Variants in CA9 observed in about 807,000 individuals in gnomAD.
The protein encoded by CA9 is carbonic anhydrase 9.
In CA9, 43 loss-of-function variants were observed where a neutral mutation model predicts 51.8. The ratio of observed to expected loss-of-function variants is 0.83; its 90% CI spans 0.65 to 1.07. The LOEUF is 1.07. Ranked by LOEUF, CA9 falls within the 50% of genes least tolerant of loss-of-function variation. CA9 has a pLI of 0.00. For missense variants in CA9, 574 were observed against 581.4 expected, an observed-to-expected ratio of 0.99 and a Z score of 0.13; for synonymous variants, 253 against 244.2, an observed-to-expected ratio of 1.04 and a Z score of -0.34.
intron 5 of CA9, among the ~76,000 whole-genome samples, chr9:35,677,143 G>A (rs1040954378): frequency 4.6e-5 from 7 of 152,056 alleles, no homozygotes; most frequent in East Asian, 1.9e-4. Context: ...GTGAGCCACC[G>A]TGCCCAGCCA....
At chr9:35,677,006 C>G (rs1246836231) in intron 5 of CA9, among the ~76,000 whole-genome samples, 1 of 152,136 alleles carries the variant, frequency 6.6e-6, no homozygotes, top group African/African-American at 2.4e-5. Context: ...GTGTGTGCCA[C>G]CATGCCCAGC....
rs372272835 is a variant in CA9 at position 35,676,297 on chromosome 9, A to G, written c.748A>G (p.Ile250Val). The change falls in exon 5 of 11, where the codon ATC becomes GTC. Residue 250 changes from isoleucine (I) to valine (V), a missense_variant and splice_region_variant. By Grantham distance (29) the Ile-to-Val change is conservative (BLOSUM62 3). Transcript: ENST00000378357. ...TVEGHRFPAE[I>V]HVVHLSTAFA... is the part of the protein sequence containing the mutation. The stretch of plus-strand genomic sequence containing the variant: ...TCTCCTACCCTCGTGTCCTTTTCAG[A>G]TCCACGTGGTTCACCTCAGCACCGC... 6.2e-7 allele frequency: 1 copy of G among 1,614,004 alleles called. No individual in the cohort carries two copies. Among genetic ancestry groups the G allele is most frequent in the Non-Finnish European group, 8.5e-7 (1 of 1,180,034 alleles).
chr9:35,681,114 CT>C lies in CA9; in HGVS notation c.*93del, dbSNP rs903311513. The C allele has an allele frequency of 9.6e-5, 89 of 930,178 alleles. No individual in the cohort carries two copies. The African/African-American group carries it at 1.2e-3, about 13-fold the overall frequency. The allele number at this position is 930,178 out of a possible 1,614,324, so 57.6% of individuals were successfully genotyped here. ...CCTGTCCTGCTCATTATGCCACTTC[CT>C]TTTAACTGCCAAGAAATTTTTTAAA... On this transcript the variant is annotated 3_prime_UTR_variant, in exon 11 of 11. Coordinates refer to ENST00000378357, the MANE Select transcript of CA9 (RefSeq NM_001216.3).
At chr9:35,678,565 C>T (rs1824469027) in intron 6 of CA9, among the ~76,000 whole-genome samples, 1 of 152,074 alleles carries the variant, frequency 6.6e-6, no homozygotes, top group Non-Finnish European at 1.5e-5. Flanking sequence ...TTAAATCTCA[C>T]TTACTCTACT....
Position 35,674,380 on chromosome 9 carries a change from T to C in CA9, c.403+18T>C. Reference sequence around the variant, plus strand: ...CAAAGAAGGTAAGTGGTCATCAATCTCCAAATCCAGGTTCCAGGAGGTTCA... The same window carrying C: ...CAAAGAAGGTAAGTGGTCATCAATCCCCAAATCCAGGTTCCAGGAGGTTCA... On this transcript the variant is annotated intron_variant, in intron 1 of 10. Transcript: ENST00000378357. 6.3e-7 allele frequency: 1 copy of C among 1,594,094 alleles called. No homozygotes were observed. The highest frequency in any genetic ancestry group is 8.5e-7 in the Non-Finnish European group (1 of 1,170,960).
At chr9:35,676,519 CTGTT>C in intron 5 of CA9, 130 bp downstream of exon 5, 1 of 724,026 alleles carries the variant, frequency 1.4e-6, no homozygotes. Context: ...CATTCACGCA[CTGTT>C]TGTTCATTTA....
intron 1 of CA9, chr9:35,675,178 G>A (rs1420146759): frequency 4.0e-6 from 1 of 249,414 alleles, no homozygotes; most frequent in Non-Finnish European, 7.8e-6. Context: ...ATTTTTAGTA[G>A]AGACGGGGTT....
At position 35,675,528 on chromosome 9, in the gene CA9, A is replaced by G. The variant is rs376992787; in HGVS notation, c.404-10A>G. ...TAAGCTTGAGCGGTTCATCCTTTTC[A>G]TTTATACAGGGGATGACCAGAGTCA... On this transcript the variant is annotated splice_polypyrimidine_tract_variant and intron_variant, in intron 1 of 10. Transcript: ENST00000378357. The G allele has an allele frequency of 3.7e-6, 6 of 1,614,092 alleles. No individual in the cohort carries two copies. The highest frequency in any genetic ancestry group is 4.2e-6 in the Non-Finnish European group (5 of 1,179,984).
rs781727137 is a variant in CA9 at position 35,676,144 on chromosome 9, T to TG, written c.691dup (p.Ala231GlyfsTer33). 1.2e-6 allele frequency: 2 copies of TG among 1,613,232 alleles called. No individual in the cohort carries two copies. Among genetic ancestry groups the TG allele is most frequent in the African/African-American group, 1.3e-5 (1 of 75,022 alleles). On this transcript the variant is annotated frameshift_variant, in exon 4 of 11. Coordinates refer to ENST00000378357, the MANE Select transcript of CA9 (RefSeq NM_001216.3). LOFTEE classifies it high-confidence loss of function. ...CCGGGCTCTGCAGCTGCATCTGCAC[T>TG]GGGGGGCTGCAGGTCGTCCGGGCTC...
rs747260316 is a variant in CA9 at position 35,675,865 on chromosome 9, C to T, written c.538C>T (p.Leu180=). Residue 180 remains leucine, a synonymous_variant, in exon 3 of 11, where the codon CTG becomes TTG. Coordinates refer to ENST00000378357, the MANE Select transcript of CA9 (RefSeq NM_001216.3). ...CGCCTTCTGCCCGGCCCTGCGCCCC[C>T]TGGAACTCCTGGGCTTCCAGCTCCC... ...LAAFCPALRP[L]ELLGFQLPPL... The T allele has an allele frequency of 1.1e-5, 18 of 1,606,148 alleles. No homozygotes were observed. The African/African-American group carries it at 2.3e-4, about 20-fold the overall frequency.
At chr9:35,676,461 C>T in intron 5 of CA9, 72 bp downstream of exon 5, 1 of 1,245,016 alleles carries the variant, frequency 8.0e-7, no homozygotes, top group South Asian at 1.3e-5. Context: ...ATCGTGGAGC[C>T]AGAGACCCCA....
rs750000065 is a variant in CA9, at chr9:35,675,540, G to T, written c.406G>T (p.Asp136Tyr). ...QNNAHRDKEGDDQSHWRYGGD... is the reference protein window; with the variant it reads ...QNNAHRDKEGYDQSHWRYGGD... The stretch of plus-strand genomic sequence containing the variant: ...GTTCATCCTTTTCATTTATACAGGG[G>T]ATGACCAGAGTCATTGGCGCTATGG... The change falls in exon 2 of 11, where the codon GAT becomes TAT. Residue 136 changes from aspartate to tyrosine, a missense_variant and splice_region_variant. Asp to Tyr is a radical substitution (Grantham distance 160, BLOSUM62 -3). Transcript: ENST00000378357. The T allele has an allele frequency of 7.4e-6, 12 of 1,614,164 alleles. No individual in the cohort carries two copies. In the South Asian group the frequency reaches 1.1e-4, roughly 15 times the overall value.
intron 5 of CA9, among the ~76,000 whole-genome samples, chr9:35,677,530 A>G (rs1256317233): frequency 6.6e-6 from 1 of 152,082 alleles, no homozygotes; most frequent in Non-Finnish European, 1.5e-5. Context: ...ATTGAAAACC[A>G]GTCCACCAAG....
intron 2 of CA9, 69 bp from the exon 3 acceptor site, chr9:35,675,691 CT>C: frequency 6.5e-7 from 1 of 1,539,152 alleles, no homozygotes; most frequent in Non-Finnish European, 9.0e-7. Flanking sequence ...ACCCCCTCAC[CT>C]TTTCTACCCG....
chr9:35,677,880 A>C, intron 6 of CA9, 24 bp downstream of exon 6: 1 of 1,596,702 alleles, frequency 6.3e-7, no homozygotes, highest in Non-Finnish European at 8.6e-7. Context: ...TCTGGCCACT[A>C]ATCTCTGTGG....
In CA9 at chr9:35,677,847, G is replaced by A. The variant is rs746857543; in HGVS notation, c.898G>A (p.Ala300Thr). ...EQLLSRLEEI[A>T]EEGSETQVPG... is the part of the protein sequence containing the mutation. ...GTTGCTGTCTCGCTTGGAAGAAATCGCTGAGGAAGGTCAGTTTGTTGGTCT... is the reference window on the plus strand; with the variant it reads ...GTTGCTGTCTCGCTTGGAAGAAATCACTGAGGAAGGTCAGTTTGTTGGTCT... The change falls in exon 6 of 11, where the codon GCT becomes ACT. Residue 300 changes from alanine to threonine, a missense_variant. By Grantham distance (58) the Ala-to-Thr change is moderately conservative. Coordinates refer to ENST00000378357, the MANE Select transcript of CA9 (RefSeq NM_001216.3). The A allele has an allele frequency of 2.4e-5, 38 of 1,613,830 alleles. No homozygotes were observed. The highest frequency in any genetic ancestry group is 1.6e-4 in the Middle Eastern group (1 of 6,084).
Position 35,680,809 on chromosome 9 carries a change from C to T in CA9, c.1294C>T (p.Leu432Phe), listed in dbSNP as rs372497942. Residue 432 changes from leucine to phenylalanine, a missense_variant, in exon 10 of 11, where the codon CTT becomes TTT. Transcript: ENST00000378357. ...TTTTGCTGTCACCAGCGTCGCGTTC[C>T]TTGTGCAGATGAGAAGGCAGCACAG... The part of the protein sequence containing the change: ...LLFAVTSVAF[L>F]VQMRRQHRRG... 1 of 1,614,234 alleles carries T rather than the reference C, an allele frequency of 6.2e-7. No individual in the cohort carries two copies. Among genetic ancestry groups the T allele is most frequent in the Non-Finnish European group, 8.5e-7 (1 of 1,180,036 alleles).
At position 35,679,969 on chromosome 9, in the gene CA9, T is replaced by C; in HGVS notation, c.1181T>C (p.Val394Ala). 1.2e-6 allele frequency: 2 copies of C among 1,614,140 alleles called. No homozygotes were observed. Among genetic ancestry groups the C allele is most frequent in the Non-Finnish European group, 1.7e-6 (2 of 1,180,024 alleles). Reference protein sequence around the residue: ...RVIEASFPAGVDSSPRAAEPV... With the variant: ...RVIEASFPAGADSSPRAAEPV... Reference sequence around the variant, plus strand: ...ATTGAGGCCTCCTTCCCTGCTGGAGTGGACAGCAGTCCTCGGGCTGCTGAG... The same window carrying C: ...ATTGAGGCCTCCTTCCCTGCTGGAGCGGACAGCAGTCCTCGGGCTGCTGAG... The change falls in exon 8 of 11, where the codon GTG becomes GCG. Residue 394 changes from valine to alanine, a missense_variant. Coordinates refer to ENST00000378357, the MANE Select transcript of CA9 (RefSeq NM_001216.3).
intron 6 of CA9, among the ~76,000 whole-genome samples, chr9:35,678,957 C>T (rs1824478264): frequency 6.6e-6 from 1 of 152,052 alleles, no homozygotes; most frequent in Non-Finnish European, 1.5e-5. Flanking sequence ...CTTCCCTTCT[C>T]TCCTTCCTTT....
Sources: gnomAD v4.1 joint callset for allele counts (sites outside exome capture counted in the v4.1 genomes callset) on GRCh38, gnomAD v4.1.1 for gene constraint, MANE v1.5 for transcripts, NCBI Gene and HGNC (gene_info 2026-07-23, HGNC 2026-07-21) for gene names.